The following ZFYVE9 variants were observed in gnomAD, a reference collection of about 807,000 sequenced individuals.
ZFYVE9 encodes zinc finger FYVE-type containing 9, also known as zinc finger FYVE domain-containing protein 9.
In ZFYVE9, 43 loss-of-function variants were observed where a neutral mutation model predicts 126.7. That is an observed-to-expected ratio of 0.34 (90% CI 0.27 to 0.44). ZFYVE9 has a LOEUF of 0.44. Ranked by LOEUF, ZFYVE9 falls within the 20% of genes least tolerant of loss-of-function variation. ZFYVE9 has a pLI of 1.00. For synonymous variants in ZFYVE9, 521 were observed against 597.4 expected (o/e 0.87, Z 1.87); for missense variants, 1,476 against 1,697.0 (o/e 0.87, Z 2.29).
At chr1:52,320,461 A>G (rs1440235951) in intron 13 of ZFYVE9, among the ~76,000 whole-genome samples, 1 of 152,256 alleles carries the variant, frequency 6.6e-6, no homozygotes, top group Non-Finnish European at 1.5e-5. Context: ...ACAGAGAGTC[A>G]AAACATAGAT....
chr1:52,274,281 A>G (rs898568740), intron 7 of ZFYVE9, among the ~76,000 whole-genome samples, 183 bp from the exon 8 acceptor site: 1 of 152,240 alleles, frequency 6.6e-6, no homozygotes, highest in Admixed American at 6.5e-5. Flanking sequence ...AAACATTTTC[A>G]TAGTATAAGC....
chr1:52,321,153 A>G (rs1278793760), intron 13 of ZFYVE9, among the ~76,000 whole-genome samples: 2 of 152,216 alleles, frequency 1.3e-5, no homozygotes, highest in East Asian at 3.9e-4. Flanking sequence ...ATTCTTTCCC[A>G]CTCTTAAGCT....
Position 52,142,351 on chromosome 1 carries a change from G to C in ZFYVE9, c.-195G>C, listed in dbSNP as rs1322873556. 6.6e-6 allele frequency: 1 copy of C among 151,980 alleles called. No homozygotes were observed. The highest frequency in any genetic ancestry group is 6.6e-5 in the Admixed American group (1 of 15,244). 9.4% of individuals were successfully genotyped at this position (151,980 alleles called of 1,614,324 possible). A position where few individuals can be genotyped will look rare whatever the true frequency, so the allele number is the denominator to read the frequency against. On this transcript the variant is annotated 5_prime_UTR_variant, in exon 1 of 19. Coordinates refer to ENST00000287727, the MANE Select transcript of ZFYVE9 (RefSeq NM_004799.4). This position sits in a 1 kb window ranked among gnomAD's most constrained non-coding sequence, Gnocchi z 4.5. The stretch of plus-strand genomic sequence containing the variant: ...CGGTGCCCTCCGGAGGAGGCTTTCG[G>C]CTCAGGGACGACCCCCGTGGCCATG...
chr1:52,204,595 C>T (rs544455517), intron 1 of ZFYVE9, among the ~76,000 whole-genome samples: 3 of 151,870 alleles, frequency 2.0e-5, no homozygotes, highest in South Asian at 2.1e-4. Flanking sequence ...GGCATGGTTG[C>T]GTGTGCCTGT....
At chr1:52,246,482 C>T (rs971267397) in intron 4 of ZFYVE9, among the ~76,000 whole-genome samples, 1 of 151,322 alleles carries the variant, frequency 6.6e-6, no homozygotes, top group South Asian at 2.1e-4. Flanking sequence ...TTGGCTTATA[C>T]CTTCAGAGAT....
intron 4 of ZFYVE9, 21 bp from the exon 5 acceptor site, chr1:52,263,752 T>TGGGGGGGGGGGGGG: frequency 1.0e-6 from 1 of 975,012 alleles, no homozygotes; most frequent in African/African-American, 3.2e-5. Flanking sequence ...TTGTGTGTTC[T>TGGGGGGGGGGGGGG]TCCCCCCCCC....
In ZFYVE9 at chr1:52,239,266, A is replaced by T. The variant is rs1330867925; in HGVS notation, c.1849A>T (p.Ile617Phe). Reference sequence around the variant, plus strand: ...AAATAATACTAAAAATAAAAATGATATTCTTGGGAAAGCAAAATTAGGGGA... The same window carrying T: ...AAATAATACTAAAAATAAAAATGATTTTCTTGGGAAAGCAAAATTAGGGGA... ...SGNNTKNKNDILGKAKLGENS... is the reference protein window; with the variant it reads ...SGNNTKNKNDFLGKAKLGENS... Residue 617 changes from isoleucine (I) to phenylalanine (F), a missense_variant, in exon 4 of 19, where the codon ATT (isoleucine) becomes TTT (phenylalanine). By Grantham distance (21) the Ile-to-Phe change is conservative (BLOSUM62 0). Around this residue, in one of 2 missense-constraint regions of ZFYVE9, gnomAD observed 807 missense variants for 794.6 expected, o/e 1.02. Coordinates refer to ENST00000287727, the MANE Select transcript of ZFYVE9 (RefSeq NM_004799.4). The T allele has an allele frequency of 1.8e-5, 29 of 1,614,090 alleles. No individual in the cohort carries two copies. Among genetic ancestry groups the T allele is most frequent in the Non-Finnish European group, 2.4e-5 (28 of 1,180,030 alleles).
At chr1:52,257,039 C>G (rs1198257311) in intron 4 of ZFYVE9, among the ~76,000 whole-genome samples, 2 of 152,068 alleles carry the variant, frequency 1.3e-5, no homozygotes, top group African/African-American at 4.8e-5. Context: ...TTTGAATTTT[C>G]AAGAATTGCA....
chr1:52,191,512 A>G (rs967634092), intron 1 of ZFYVE9, among the ~76,000 whole-genome samples: 1 of 152,206 alleles, frequency 6.6e-6, no homozygotes, highest in Non-Finnish European at 1.5e-5. Flanking sequence ...TATTTCATAT[A>G]ATGACATATA....
At chr1:52,173,917 C>T (rs1470655216) in intron 1 of ZFYVE9, among the ~76,000 whole-genome samples, 6 of 151,874 alleles carry the variant, frequency 4.0e-5, no homozygotes, top group East Asian at 1.9e-4. Flanking sequence ...GTCTTGCTAG[C>T]GGTCTATCAG....
At position 52,198,127 on chromosome 1, in the gene ZFYVE9, T is replaced by TTG. The variant is rs1445294841; in HGVS notation, c.-142-18241_-142-18240insGT. 2.6e-4 allele frequency among the ~76,000 whole-genome samples: 30 copies of TTG among 117,172 alleles called. 1 individual carries two copies. Among genetic ancestry groups the TTG allele is most frequent in the Middle Eastern group, 3.9e-3 (1 of 256 alleles). The allele number at this position is 117,172 out of a possible 152,430, so 76.9% of individuals were successfully genotyped here. The stretch of plus-strand genomic sequence containing the variant: ...ATTGTAGTGTTTTTTTTTGTTTGTT[T>TTG]TTTTTTTTTTTTGAGATGGAGTCTC... On this transcript the variant is annotated intron_variant, in intron 1 of 18. Coordinates refer to ENST00000287727, the MANE Select transcript of ZFYVE9 (RefSeq NM_004799.4).
At chr1:52,297,412 T>C (rs1188387617) in intron 12 of ZFYVE9, among the ~76,000 whole-genome samples, 1 of 151,906 alleles carries the variant, frequency 6.6e-6, no homozygotes, top group Non-Finnish European at 1.5e-5. Context: ...TAATTTTTTG[T>C]ATTTTTCATA....
intron 1 of ZFYVE9, among the ~76,000 whole-genome samples, chr1:52,161,565 A>C (rs898420341): frequency 2.6e-5 from 4 of 152,210 alleles, no homozygotes; most frequent in Non-Finnish European, 5.9e-5. Flanking sequence ...TGCTAGGATT[A>C]CCGGTGTGAG....
chr1:52,276,006 C>G (rs1249877940), intron 8 of ZFYVE9, among the ~76,000 whole-genome samples: 1 of 148,580 alleles, frequency 6.7e-6, no homozygotes, highest in Non-Finnish European at 1.5e-5. Flanking sequence ...CTCCCGGGTT[C>G]AAGCAGTTCT....
At chr1:52,272,129 T>C (rs1350986424) in intron 7 of ZFYVE9, among the ~76,000 whole-genome samples, 3 of 152,204 alleles carry the variant, frequency 2.0e-5, no homozygotes, top group Non-Finnish European at 4.4e-5. Flanking sequence ...TGAGCCACCA[T>C]GTCCAGCCAT....
At chr1:52,181,188 T>A (rs1195317501) in intron 1 of ZFYVE9, among the ~76,000 whole-genome samples, 1 of 152,104 alleles carries the variant, frequency 6.6e-6, no homozygotes, top group Non-Finnish European at 1.5e-5. Flanking sequence ...CCCTGCCTGA[T>A]TCTCCTGCCT....
intron 1 of ZFYVE9, among the ~76,000 whole-genome samples, chr1:52,193,757 T>C (rs1022968989): frequency 1.3e-5 from 2 of 150,220 alleles, no homozygotes; most frequent in African/African-American, 2.5e-5. Flanking sequence ...ACTCAGTAAT[T>C]GTGCATCTTA....
At position 52,238,370 on chromosome 1, in the gene ZFYVE9, T is replaced by G; in HGVS notation, c.953T>G (p.Leu318Trp). 1 of 1,613,752 alleles carries G rather than the reference T, an allele frequency of 6.2e-7. No homozygotes were observed. The highest frequency in any genetic ancestry group is 8.5e-7 in the Non-Finnish European group (1 of 1,179,926). ...NSFSHMSEGI[L>W]MKKEPAEEST... ...TTTTCCCACATGAGTGAGGGGATTTTGATGAAAAAAGAGCCAGCAGAGGAG... is the reference window on the plus strand; with the variant it reads ...TTTTCCCACATGAGTGAGGGGATTTGGATGAAAAAAGAGCCAGCAGAGGAG... Residue 318 changes from leucine (L) to tryptophan (W), a missense_variant, in exon 4 of 19, where the codon TTG becomes TGG. Leu to Trp is a moderately conservative substitution (Grantham distance 61). Transcript: ENST00000287727.
chr1:52,278,373 CCT>C lies in ZFYVE9; in HGVS notation c.2747-118_2747-117del, dbSNP rs141059493. On this transcript the variant is annotated intron_variant, in intron 8 of 18. Coordinates refer to ENST00000287727, the MANE Select transcript of ZFYVE9 (RefSeq NM_004799.4). Reference sequence around the variant, plus strand: ...AGATACAAACCATGCTCTGTATGCACCTATTGATAAATCAAATGCATGTCTCT... The same window carrying C: ...AGATACAAACCATGCTCTGTATGCACATTGATAAATCAAATGCATGTCTCT... 2.1e-3 allele frequency: 2,733 copies of C among 1,303,454 alleles called. 34 individuals are homozygous for C. In the African/African-American group the frequency reaches 0.026, roughly 12 times the overall value. The allele number at this position is 1,303,454 out of a possible 1,614,324, so 80.7% of individuals were successfully genotyped here. A position where few individuals can be genotyped will look rare whatever the true frequency, so the allele number is the denominator to read the frequency against.
Sources: allele counts gnomAD v4.1 joint callset (sites outside exome capture counted in the v4.1 genomes callset), GRCh38; gene constraint gnomAD v4.1.1; regional missense constraint gnomAD v4.1.1; non-coding constraint Gnocchi (gnomAD v3.1); transcripts MANE v1.5; gene names NCBI Gene and HGNC (gene_info 2026-07-23, HGNC 2026-07-21).